Variants in PIK3C2G observed in about 807,000 individuals in gnomAD.
PIK3C2G encodes the protein phosphatidylinositol-4-phosphate 3-kinase catalytic subunit type 2 gamma, also known as phosphatidylinositol 3-kinase C2 domain-containing subunit gamma.
A neutral mutation model predicts 181.1 loss-of-function variants in PIK3C2G; 168 were observed. The observed-to-expected ratio is 0.93, with a 90% CI of 0.82 to 1.05. PIK3C2G has a LOEUF of 1.05. Among genes scored for constraint, PIK3C2G ranks in the 50% least tolerant of loss-of-function variants. PIK3C2G has a pLI of 0.00. For missense variants in PIK3C2G, 1,869 were observed against 1,732.8 expected, an observed-to-expected ratio of 1.08 and a Z score of -1.40; for synonymous variants, 573 against 592.2, an observed-to-expected ratio of 0.97 and a Z score of 0.47.
intron 12 of PIK3C2G, among the ~76,000 whole-genome samples, chr12:18,366,426 G>A (rs559600410): frequency 2.6e-5 from 4 of 152,178 alleles, no homozygotes; most frequent in South Asian, 4.1e-4. Flanking sequence ...CCAGCTACTC[G>A]GGAGGTCAGG....
intron 24 of PIK3C2G, among the ~76,000 whole-genome samples, chr12:18,522,711 G>C (rs1186526661): frequency 6.6e-6 from 1 of 151,850 alleles, no homozygotes; most frequent in Non-Finnish European, 1.5e-5. Flanking sequence ...ATGTCTTGGG[G>C]ATTTCCTCTT....
At chr12:18,683,473 C>A in the PIK3C2G span, 1 of 1,462,608 alleles carries the variant, frequency 6.8e-7, no homozygotes, top group Middle Eastern at 1.7e-4. Context: ...ATTAATCTTC[C>A]ACAAAAATTA....
chr12:18,327,915 T>C (rs1398686861), intron 8 of PIK3C2G, among the ~76,000 whole-genome samples: 13 of 151,916 alleles, frequency 8.6e-5, no homozygotes, highest in Admixed American at 7.9e-4. Flanking sequence ...CACAATGGTG[T>C]CTATACAGAG....
At chr12:18,620,974 T>G (rs1948835989) in intron 31 of PIK3C2G, among the ~76,000 whole-genome samples, 1 of 152,070 alleles carries the variant, frequency 6.6e-6, no homozygotes, top group Non-Finnish European at 1.5e-5. Flanking sequence ...ATGCTTATAT[T>G]TTACCTCTAA....
At chr12:18,390,440 G>T (rs540945137) in intron 14 of PIK3C2G, among the ~76,000 whole-genome samples, 2 of 152,124 alleles carry the variant, frequency 1.3e-5, no homozygotes, top group African/African-American at 4.8e-5. Context: ...CTGTCTTTTT[G>T]TTAACTGTAA....
chr12:18,498,566 C>CT (rs1941191017), intron 22 of PIK3C2G, among the ~76,000 whole-genome samples: 1 of 129,184 alleles, frequency 7.7e-6, no homozygotes, highest in Non-Finnish European at 1.7e-5. Context: ...ACCATGTAGT[C>CT]ATTTTTTTTT....
intron 13 of PIK3C2G, among the ~76,000 whole-genome samples, chr12:18,374,272 A>T (rs569929483): frequency 6.6e-6 from 1 of 152,022 alleles, no homozygotes; most frequent in East Asian, 1.9e-4. Context: ...CATAATTTCA[A>T]AAAAGGCCTA....
chr12:18,341,056 C>T (rs936710473), intron 9 of PIK3C2G, among the ~76,000 whole-genome samples: 6 of 152,128 alleles, frequency 3.9e-5, no homozygotes, highest in African/African-American at 1.2e-4. Context: ...GGTTATTCTT[C>T]GACTTTTATG....
chr12:18,431,213 C>T (rs1272353936), intron 18 of PIK3C2G, among the ~76,000 whole-genome samples: 1 of 152,074 alleles, frequency 6.6e-6, no homozygotes, highest in African/African-American at 2.4e-5. Context: ...TATTCTGAAC[C>T]TAATGATTAT....
intron 26 of PIK3C2G, among the ~76,000 whole-genome samples, chr12:18,561,052 A>C (rs1193636635): frequency 6.6e-6 from 1 of 152,242 alleles, no homozygotes; most frequent in African/African-American, 2.4e-5. Context: ...TCAAGTATAA[A>C]GGCCACAGAC....
At chr12:18,451,624 G>T (rs2135890482) in intron 18 of PIK3C2G, among the ~76,000 whole-genome samples, 1 of 152,298 alleles carries the variant, frequency 6.6e-6, no homozygotes, top group African/African-American at 2.4e-5. Flanking sequence ...GAATAGGAGT[G>T]GTGAGAGAGG....
At chr12:18,428,353 G>A (rs1392464190) in intron 18 of PIK3C2G, among the ~76,000 whole-genome samples, 3 of 147,444 alleles carry the variant, frequency 2.0e-5, no homozygotes, top group Non-Finnish European at 3.0e-5. Context: ...AAAAAAACTA[G>A]AAACCCATCA....
At chr12:18,449,255 T>A (rs1009949132) in intron 18 of PIK3C2G, among the ~76,000 whole-genome samples, 5 of 152,114 alleles carry the variant, frequency 3.3e-5, no homozygotes, top group African/African-American at 1.2e-4. Context: ...TAGCTTTGTT[T>A]GCATATAACT....
At chr12:18,442,469 AG>A (rs753755704) in intron 18 of PIK3C2G, among the ~76,000 whole-genome samples, 72 of 152,324 alleles carry the variant, frequency 4.7e-4, no homozygotes, top group Non-Finnish European at 7.2e-4. Flanking sequence ...CCTCAAGGAA[AG>A]AAAAATAAAA....
intron 30 of PIK3C2G, among the ~76,000 whole-genome samples, chr12:18,598,618 C>G (rs1947515054): frequency 6.7e-6 from 1 of 150,054 alleles, no homozygotes; most frequent in Non-Finnish European, 1.5e-5. Flanking sequence ...ACACCAAAAG[C>G]AATGGCAACA....
the PIK3C2G span, chr12:18,693,040 T>C: frequency 6.9e-7 from 1 of 1,455,158 alleles, no homozygotes; most frequent in South Asian, 1.1e-5. Context: ...ATGAAACCAT[T>C]AGAAGAAAAG....
chr12:18,320,838 A>G lies in PIK3C2G; in HGVS notation c.1138-124A>G, dbSNP rs1385776738. ...TTTAAGGTCTTTCAGACAGAATATA[A>G]AAGCGATGAATGAGGTTTATCAAAA... On this transcript the variant is annotated intron_variant, in intron 6 of 32. Coordinates refer to ENST00000538779, the MANE Select transcript of PIK3C2G (RefSeq NM_001288772.2). 4 of 632,572 alleles carry G rather than the reference A, an allele frequency of 6.3e-6. No homozygotes were observed. The Admixed American group carries it at 9.1e-5, about 14-fold the overall frequency. 39.2% of individuals were successfully genotyped at this position (632,572 alleles called of 1,614,324 possible). A position where few individuals can be genotyped will look rare whatever the true frequency, so the allele number is the denominator to read the frequency against.
intron 1 of PIK3C2G, among the ~76,000 whole-genome samples, chr12:18,266,048 G>A (rs554514405): frequency 4.8e-5 from 6 of 125,674 alleles, no homozygotes; most frequent in Non-Finnish European, 3.4e-5. Context: ...AAAACACTAC[G>A]CAATAGAAAA....
rs189482908 is a variant in PIK3C2G at position 18,597,187 on chromosome 12, G to A, written c.4087+2618G>A. ...TGTGTTAGGGAAACACCAAAACACC[G>A]AGAAAAATCGCAACATTGAATATAA... On this transcript the variant is annotated intron_variant, in intron 30 of 32. Coordinates refer to ENST00000538779, the MANE Select transcript of PIK3C2G (RefSeq NM_001288772.2). Among the ~76,000 whole-genome samples, 60 of 151,500 alleles carry A rather than the reference G, an allele frequency of 4.0e-4. 1 individual carries two copies. In the East Asian group the frequency reaches 6.1e-3, roughly 15 times the overall value.
Sources: allele counts gnomAD v4.1 joint callset (sites outside exome capture counted in the v4.1 genomes callset), GRCh38; gene constraint gnomAD v4.1.1; transcripts MANE v1.5; gene names NCBI Gene and HGNC (gene_info 2026-07-23, HGNC 2026-07-21).